Variants in SAXO1 observed in about 807,000 individuals in gnomAD.
SAXO1 encodes the protein 4930500O09Rik.
In SAXO1, 21 loss-of-function variants were observed where a neutral mutation model predicts 17.5. The observed-to-expected ratio is 1.20, with a 90% CI of 0.85 to 1.72. The LOEUF is 1.72. Among genes scored for constraint, SAXO1 ranks in the 40% most tolerant of loss-of-function variants. SAXO1 has a pLI of 0.00. For synonymous variants in SAXO1, 274 were observed against 216.5 expected, an observed-to-expected ratio of 1.27 and a Z score of -2.33; for missense variants, 843 against 596.0, an observed-to-expected ratio of 1.41 and a Z score of -4.32.
At chr9:19,016,208 G>A (rs541250009) in intron 1 of SAXO1, among the ~76,000 whole-genome samples, 16 of 152,300 alleles carry the variant, frequency 1.1e-4, no homozygotes, top group African/African-American at 3.4e-4. Flanking sequence ...GGCCGAGGCG[G>A]GTGGATCCAC....
At chr9:18,995,395 A>G (rs7046604) in intron 1 of SAXO1, among the ~76,000 whole-genome samples, 2,779 of 152,302 alleles carry the variant, frequency 0.018, 83 homozygotes, top group African/African-American at 0.061. Flanking sequence ...CCAAGGCTGA[A>G]GTAGCCCAAA....
At chr9:19,024,786 AC>A (rs1450163694) in intron 1 of SAXO1, among the ~76,000 whole-genome samples, 1 of 151,364 alleles carries the variant, frequency 6.6e-6, no homozygotes, top group Non-Finnish European at 1.5e-5. Context: ...AGCTGTTTCC[AC>A]CCCTCCACCA....
intron 1 of SAXO1, among the ~76,000 whole-genome samples, chr9:19,019,695 A>C (rs1588542953): frequency 6.6e-6 from 1 of 152,124 alleles, no homozygotes; most frequent in African/African-American, 2.4e-5. Flanking sequence ...GCACCACTGC[A>C]CCCCAGCCTC....
At chr9:18,931,803 G>A (rs761544481) in intron 3 of SAXO1, among the ~76,000 whole-genome samples, 21 of 152,174 alleles carry the variant, frequency 1.4e-4, no homozygotes, top group South Asian at 2.1e-4. Context: ...GCACTTATCC[G>A]CTCTTCATGT....
At chr9:18,958,870 G>A (rs1832365087) in intron 1 of SAXO1, among the ~76,000 whole-genome samples, 1 of 141,220 alleles carries the variant, frequency 7.1e-6, no homozygotes, top group African/African-American at 2.5e-5. Context: ...TCGAAGAGAA[G>A]AGGAAGGAAT....
chr9:19,048,644 A>G (rs1836278600), intron 1 of SAXO1, among the ~76,000 whole-genome samples: 1 of 152,204 alleles, frequency 6.6e-6, no homozygotes, highest in Non-Finnish European at 1.5e-5. Context: ...CCGCAGCAAG[A>G]TTGTCTAAAA....
chr9:19,003,782 A>C (rs1222251016), intron 1 of SAXO1, among the ~76,000 whole-genome samples: 1 of 152,242 alleles, frequency 6.6e-6, no homozygotes, highest in Non-Finnish European at 1.5e-5. Context: ...ACCTAAAACC[A>C]TAAAAACCCT....
chr9:18,997,234 C>T (rs938059004), intron 1 of SAXO1, among the ~76,000 whole-genome samples: 2 of 152,250 alleles, frequency 1.3e-5, no homozygotes, highest in African/African-American at 4.8e-5. Context: ...ACCGTACACT[C>T]CTGCCCAAGT....
chr9:19,038,831 T>TA (rs1177063307), intron 1 of SAXO1, among the ~76,000 whole-genome samples: 2 of 151,940 alleles, frequency 1.3e-5, no homozygotes, highest in Admixed American at 6.6e-5. Context: ...GCAAAGCCTT[T>TA]AAAAAAATTA....
intron 1 of SAXO1, among the ~76,000 whole-genome samples, chr9:18,978,250 G>T (rs551486961): frequency 6.6e-6 from 1 of 152,040 alleles, no homozygotes. Flanking sequence ...TTTCAAGGCC[G>T]CATTTTGAAG....
Position 19,032,963 on chromosome 9 carries a change from C to T in SAXO1, c.-55G>A, listed in dbSNP as rs1835832607. Reference sequence around the variant, plus strand: ...TCAGAGCATCGCCAGCTGCAGCCGACTCCTAGACCCCAACCACCTGTCTTG... The same window carrying T: ...TCAGAGCATCGCCAGCTGCAGCCGATTCCTAGACCCCAACCACCTGTCTTG... On this transcript the variant is annotated 5_prime_UTR_variant, in exon 1 of 4. Transcript: ENST00000380534. The T allele has an allele frequency of 1.3e-6, 2 of 1,564,168 alleles. No individual in the cohort carries two copies. Among genetic ancestry groups the T allele is most frequent in the South Asian group, 2.3e-5 (2 of 85,842 alleles).
At chr9:19,048,337 A>G (rs1277626118) in intron 1 of SAXO1, among the ~76,000 whole-genome samples, 1 of 152,158 alleles carries the variant, frequency 6.6e-6, no homozygotes, top group East Asian at 1.9e-4. Context: ...GGTGCCCACA[A>G]TCCCAGCTAT....
intron 2 of SAXO1, among the ~76,000 whole-genome samples, chr9:18,947,286 CTT>C (rs1263162652): frequency 1.3e-5 from 2 of 152,190 alleles, no homozygotes; most frequent in African/African-American, 4.8e-5. Flanking sequence ...TACTAACTCT[CTT>C]GTTTCTTTCC....
At chr9:19,025,660 T>A (rs1325582473) in intron 1 of SAXO1, among the ~76,000 whole-genome samples, 1 of 152,228 alleles carries the variant, frequency 6.6e-6, no homozygotes, top group African/African-American at 2.4e-5. Flanking sequence ...AAATATTTCA[T>A]GATACATTAA....
chr9:18,954,955 G>C (rs138443627), intron 1 of SAXO1, among the ~76,000 whole-genome samples: 270 of 150,784 alleles, frequency 1.8e-3, no homozygotes, highest in African/African-American at 6.2e-3. Flanking sequence ...GGTTCCTCTA[G>C]AATAACATCA....
chr9:18,951,570 C>T (rs77099385), intron 1 of SAXO1, among the ~76,000 whole-genome samples: 2,569 of 152,262 alleles, frequency 0.017, 77 homozygotes, highest in African/African-American at 0.059. Context: ...AGAAAGACTT[C>T]CGCCAATCAT....
intron 1 of SAXO1, among the ~76,000 whole-genome samples, chr9:18,963,771 A>G (rs1832594005): frequency 6.6e-6 from 1 of 152,172 alleles, no homozygotes; most frequent in African/African-American, 2.4e-5. Context: ...CTCCTAATTG[A>G]ATACCCTTTA....
At chr9:19,042,941 G>C (rs963888397) in intron 1 of SAXO1, among the ~76,000 whole-genome samples, 4 of 152,196 alleles carry the variant, frequency 2.6e-5, no homozygotes, top group Non-Finnish European at 5.9e-5. Context: ...TGAGGCCAAG[G>C]CGGGAGGATC....
In SAXO1 at chr9:19,000,780, T is replaced by A. The variant is rs1381701520; in HGVS notation, c.38+32091A>T. Among the ~76,000 whole-genome samples, 5 of 151,934 alleles carry A rather than the reference T, an allele frequency of 3.3e-5. No individual in the cohort carries two copies. In the East Asian group the frequency reaches 7.7e-4, roughly 24 times the overall value. On this transcript the variant is annotated intron_variant, in intron 1 of 3. Transcript: ENST00000380534. ...AATGGAAAGCAAAAAAAAGCAGGGG[T>A]TGCAATCCTGGTCTCTGATAAAACA...
Sources: allele counts gnomAD v4.1 joint callset (sites outside exome capture counted in the v4.1 genomes callset), GRCh38; gene constraint gnomAD v4.1.1; transcripts MANE v1.5; gene names NCBI Gene and HGNC (gene_info 2026-07-23, HGNC 2026-07-21).